TMEM132C: variants seen among roughly 807,000 people sequenced by gnomAD.
TMEM132C encodes the protein protein phosphatase 1, regulatory subunit 152.
TMEM132C carries 29 observed loss-of-function variants against 61.4 expected under a neutral mutation model. The ratio of observed to expected loss-of-function variants is 0.47; its 90% CI spans 0.35 to 0.64. The LOEUF (loss-of-function observed/expected upper bound fraction) is 0.64, where lower values mean the gene tolerates loss of function less well. Among genes scored for constraint, TMEM132C ranks in the 30% least tolerant of loss-of-function variants. The probability of loss-of-function intolerance (pLI) is 0.00; values close to 1 mark genes in which losing one functional copy is unlikely to be tolerated. For synonymous variants in TMEM132C, 656 were observed against 633.1 expected (o/e 1.04, Z -0.54); for missense variants, 1,408 against 1,476.9 (o/e 0.95, Z 0.76).
chr12:128,332,722 G>A (rs1204919923), intron 1 of TMEM132C, among the ~76,000 whole-genome samples: 2 of 152,248 alleles, frequency 1.3e-5, no homozygotes, highest in African/African-American at 4.8e-5. Context: ...CCCCTGGTGT[G>A]TCCACTGTGG....
chr12:128,504,886 TA>T (rs1872306236), intron 2 of TMEM132C, among the ~76,000 whole-genome samples: 1 of 151,324 alleles, frequency 6.6e-6, no homozygotes, highest in African/African-American at 2.4e-5. Flanking sequence ...TGCAAAGTCT[TA>T]AATGCTTTAC....
rs185533446 is a variant in TMEM132C, at chr12:128,706,414, C to T, written c.*119C>T. 54 of 1,307,112 alleles carry T rather than the reference C, an allele frequency of 4.1e-5. No homozygotes were observed. The African/African-American group carries it at 7.1e-4, about 17-fold the overall frequency. The allele number at this position is 1,307,112 out of a possible 1,614,324, so 81.0% of individuals were successfully genotyped here. On this transcript the variant is annotated 3_prime_UTR_variant, in exon 9 of 9. Transcript: ENST00000435159. ...GGACGGTCCCAGGGTCCATGCTAGACCAGTTGGAAAGTTTTGAAGTCAGGA... is the reference window on the plus strand; with the variant it reads ...GGACGGTCCCAGGGTCCATGCTAGATCAGTTGGAAAGTTTTGAAGTCAGGA...
intron 1 of TMEM132C, among the ~76,000 whole-genome samples, chr12:128,388,392 T>C (rs1874654503): frequency 6.6e-6 from 1 of 152,228 alleles, no homozygotes; most frequent in African/African-American, 2.4e-5. Context: ...TTATGTGCTG[T>C]CTCTAATTTT....
Position 128,293,341 on chromosome 12 carries a change from A to G in TMEM132C, c.85+25854A>G, listed in dbSNP as rs115854292. On this transcript the variant is annotated intron_variant, in intron 1 of 8. Transcript: ENST00000435159. ...TTTTGTCATGGTTAATAAAAGTCAC[A>G]GGGTAAATTGGTCTTATTTCTTCTT... Among the ~76,000 whole-genome samples the G allele has an allele frequency of 4.4e-3, 664 of 152,334 alleles. 8 individuals are homozygous for G. Among genetic ancestry groups the G allele is most frequent in the African/African-American group, 0.015 (622 of 41,586 alleles).
intron 4 of TMEM132C, among the ~76,000 whole-genome samples, chr12:128,617,861 C>G (rs976103640): frequency 6.6e-6 from 1 of 152,210 alleles, no homozygotes; most frequent in Admixed American, 6.5e-5. Context: ...TCTGTAAACA[C>G]TTGGAAGTCA....
intron 2 of TMEM132C, among the ~76,000 whole-genome samples, chr12:128,426,436 C>T (rs1025990091): frequency 2.0e-5 from 3 of 152,178 alleles, no homozygotes; most frequent in Non-Finnish European, 4.4e-5. Flanking sequence ...TCCCAGACTC[C>T]TCATTAGCAG....
In TMEM132C at chr12:128,584,462, A is replaced by G. The variant is rs538815885; in HGVS notation, c.1122-31690A>G. On this transcript the variant is annotated intron_variant, in intron 3 of 8. Transcript: ENST00000435159. ...GCCCTTAGCATATTCTAGTGTAAGT[A>G]CTCGTTTTTGGGTCTCTCCCTACCT... Among the ~76,000 whole-genome samples the G allele has an allele frequency of 3.7e-4, 56 of 152,214 alleles. No individual in the cohort carries two copies. The South Asian group carries it at 6.2e-3, about 17-fold the overall frequency.
At position 128,487,948 on chromosome 12, in the gene TMEM132C, C is replaced by T. The variant is rs138507835; in HGVS notation, c.975-56009C>T. Among the ~76,000 whole-genome samples, 483 of 152,326 alleles carry T rather than the reference C, an allele frequency of 3.2e-3. 6 individuals are homozygous for T. Among genetic ancestry groups the T allele is most frequent in the African/African-American group, 0.011 (459 of 41,584 alleles). ...AATTAATTAAAACCAAACTTCAAAACACAGTTCTTCCATTGCAGTAGCCAC... is the reference window on the plus strand; with the variant it reads ...AATTAATTAAAACCAAACTTCAAAATACAGTTCTTCCATTGCAGTAGCCAC... On this transcript the variant is annotated intron_variant, in intron 2 of 8. Coordinates refer to ENST00000435159, the MANE Select transcript of TMEM132C (RefSeq NM_001136103.3).
At chr12:128,375,984 A>G (rs1874179636) in intron 1 of TMEM132C, among the ~76,000 whole-genome samples, 1 of 152,176 alleles carries the variant, frequency 6.6e-6, no homozygotes, top group African/African-American at 2.4e-5. Context: ...AGCCCATGGG[A>G]AGCACCTTGC....
At chr12:128,434,948 C>T (rs1292661353) in intron 2 of TMEM132C, among the ~76,000 whole-genome samples, 1 of 151,998 alleles carries the variant, frequency 6.6e-6, no homozygotes, top group Non-Finnish European at 1.5e-5. Context: ...CTAATGAGTT[C>T]CTAGGTATTA....
intron 3 of TMEM132C, among the ~76,000 whole-genome samples, chr12:128,566,126 G>A (rs1274994432): frequency 1.4e-5 from 2 of 146,196 alleles, no homozygotes; most frequent in African/African-American, 5.3e-5. Context: ...CTGGCCTCAA[G>A]TGATCCACCT....
At chr12:128,386,967 A>C (rs1401537523) in intron 1 of TMEM132C, among the ~76,000 whole-genome samples, 1 of 152,004 alleles carries the variant, frequency 6.6e-6, no homozygotes, top group African/African-American at 2.4e-5. Flanking sequence ...ACATCTCTAC[A>C]AAAAATAAAA....
intron 1 of TMEM132C, among the ~76,000 whole-genome samples, chr12:128,281,775 A>C (rs536927770): frequency 6.6e-6 from 1 of 152,194 alleles, no homozygotes; most frequent in East Asian, 1.9e-4. Flanking sequence ...TTGTCTCCCC[A>C]TGAATCTAAT....
At chr12:128,468,040 A>C (rs1251282880) in intron 2 of TMEM132C, among the ~76,000 whole-genome samples, 1 of 152,204 alleles carries the variant, frequency 6.6e-6, no homozygotes, top group African/African-American at 2.4e-5. Context: ...CCGGCACCAT[A>C]GGGAGTAGAG....
At chr12:128,696,257 G>T (rs181705335) in intron 7 of TMEM132C, among the ~76,000 whole-genome samples, 154 bp downstream of exon 7, 297 of 152,140 alleles carry the variant, frequency 2.0e-3, no homozygotes, top group African/African-American at 6.9e-3. Flanking sequence ...CTTGAGTCCA[G>T]CTCCTTCCAA....
chr12:128,345,931 T>C (rs1254458399), intron 1 of TMEM132C, among the ~76,000 whole-genome samples: 1 of 152,230 alleles, frequency 6.6e-6, no homozygotes, highest in Non-Finnish European at 1.5e-5. Flanking sequence ...TTGCAATTGC[T>C]TTTGTCATCT....
intron 2 of TMEM132C, among the ~76,000 whole-genome samples, chr12:128,507,374 G>A (rs1872400203): frequency 6.8e-6 from 1 of 147,094 alleles, no homozygotes; most frequent in South Asian, 2.2e-4. Context: ...GTTTGTCCAG[G>A]TGTTTTTTTC....
chr12:128,687,494 G>T (rs902640574), intron 5 of TMEM132C, among the ~76,000 whole-genome samples: 1 of 152,088 alleles, frequency 6.6e-6, no homozygotes, highest in Non-Finnish European at 1.5e-5. Context: ...CCAGATTAAA[G>T]AGCTGAAGGA....
intron 1 of TMEM132C, among the ~76,000 whole-genome samples, chr12:128,270,906 C>G (rs1369888635): frequency 6.6e-6 from 1 of 152,128 alleles, no homozygotes; most frequent in African/African-American, 2.4e-5. Context: ...GACCCACAGA[C>G]AAGTACTGTT....
Sources: allele counts gnomAD v4.1 joint callset (sites outside exome capture counted in the v4.1 genomes callset), GRCh38; gene constraint gnomAD v4.1.1; transcripts MANE v1.5; gene names NCBI Gene and HGNC (gene_info 2026-07-23, HGNC 2026-07-21).